Variants in RPL6 observed in about 807,000 individuals in gnomAD.
RPL6 encodes ribosomal protein L6, also known as large ribosomal subunit protein eL6.
In RPL6, 1 loss-of-function variant was observed where a neutral mutation model predicts 32.1. That is an observed-to-expected ratio of 0.03 (90% CI 0.01 to 0.15). The LOEUF (loss-of-function observed/expected upper bound fraction) is 0.15. Among genes scored for constraint, RPL6 ranks in the 10% least tolerant of loss-of-function variants. The probability of loss-of-function intolerance (pLI) is 1.00; values close to 1 mark genes in which losing one functional copy is unlikely to be tolerated. For synonymous variants in RPL6, 126 were observed against 131.6 expected (o/e 0.96, Z 0.29); for missense variants, 275 against 354.6 (o/e 0.78, Z 1.80).
intron 3 of RPL6, chr12:112,407,513 C>T (rs2037208260): frequency 6.5e-6 from 1 of 152,814 alleles, no homozygotes; most frequent in Non-Finnish European, 1.5e-5. Flanking sequence ...CACAAAACAA[C>T]TGTCATCTTC....
At chr12:112,412,943 T>C (rs897747831), upstream of RPL6, among the ~76,000 whole-genome samples, 3 of 151,398 alleles carry the variant, frequency 2.0e-5, no homozygotes, top group Non-Finnish European at 2.9e-5. Context: ...AATAAATAAA[T>C]AAATAAATAA....
chr12:112,416,603 G>A (rs1271717692), intron 1 of RPL6, among the ~76,000 whole-genome samples: 2 of 150,480 alleles, frequency 1.3e-5, no homozygotes, highest in Non-Finnish European at 3.0e-5. Flanking sequence ...TAGTAGAGAC[G>A]AGGGTTCACC....
At chr12:112,413,406 C>T (rs1194344550), upstream of RPL6, among the ~76,000 whole-genome samples, 1 of 151,788 alleles carries the variant, frequency 6.6e-6, no homozygotes, top group Non-Finnish European at 1.5e-5. Flanking sequence ...GGCATGGTGG[C>T]GGGTGCCTGT....
chr12:112,407,970 T>C, intron 3 of RPL6: 1 of 408,400 alleles, frequency 2.4e-6, no homozygotes, highest in Non-Finnish European at 4.4e-6. Flanking sequence ...TCTGCTCGCC[T>C]CAGCCTCCCA....
At chr12:112,413,039 G>T (rs2037359601), upstream of RPL6, among the ~76,000 whole-genome samples, 1 of 152,156 alleles carries the variant, frequency 6.6e-6, no homozygotes, top group Non-Finnish European at 1.5e-5. Context: ...TATGTATAAA[G>T]TGTGGAAAGA....
upstream of RPL6, chr12:112,409,675 G>A (rs551344394): frequency 2.5e-6 from 1 of 394,588 alleles, no homozygotes; most frequent in South Asian, 1.4e-4. Flanking sequence ...TCCGGATCTG[G>A]GGCATCATGG....
chr12:112,411,925 G>C (rs939727419), upstream of RPL6, among the ~76,000 whole-genome samples: 13 of 151,634 alleles, frequency 8.6e-5, no homozygotes, highest in Non-Finnish European at 1.6e-4. Context: ...TGTCGCCCAG[G>C]CTGGAGTGCA....
rs1257393823 is a variant in RPL6 at position 112,406,043 on chromosome 12, G to C, written c.530-6C>G. On this transcript the variant is annotated splice_polypyrimidine_tract_variant and splice_region_variant and intron_variant, in intron 5 of 6. Transcript: ENST00000202773. ...TCGATTGAGGACCAGAGGTCCTAAG[G>C]GGGAAAAATTAATTTAGCAAGGAAA... 4 of 1,596,832 alleles carry C rather than the reference G, an allele frequency of 2.5e-6. No homozygotes were observed. Among genetic ancestry groups the C allele is most frequent in the Non-Finnish European group, 1.7e-6 (2 of 1,171,832 alleles).
At chr12:112,416,133 A>ATTTTTTTTT (rs1168421826) in intron 1 of RPL6, among the ~76,000 whole-genome samples, 10 of 51,048 alleles carry the variant, frequency 2.0e-4, no homozygotes, top group African/African-American at 4.1e-4. Flanking sequence ...TAAATTTTGT[A>ATTTTTTTTT]TTTTTTTTTT....
chr12:112,409,284 G>C, intron 1 of RPL6: 1 of 391,048 alleles, frequency 2.6e-6, no homozygotes, highest in Non-Finnish European at 4.5e-6. Flanking sequence ...GGAACACAGT[G>C]CACGCGCCGT....
exon 1 of RPL6, chr12:112,418,768 G>A: frequency 2.4e-6 from 1 of 415,642 alleles, no homozygotes; most frequent in South Asian, 2.9e-5. Context: ...GGATGCTTTG[G>A]ACACTGTGCG....
upstream of RPL6, among the ~76,000 whole-genome samples, chr12:112,415,088 G>A (rs539647490): frequency 3.3e-5 from 5 of 152,298 alleles, no homozygotes; most frequent in South Asian, 1.0e-3. Context: ...CCTGAGATCA[G>A]AGGCATAGAG....
chr12:112,412,847 C>T (rs2037357340), upstream of RPL6, among the ~76,000 whole-genome samples: 1 of 151,730 alleles, frequency 6.6e-6, no homozygotes, highest in Non-Finnish European at 1.5e-5. Context: ...TCACTTGAAC[C>T]CGGGAGGCAG....
chr12:112,406,449 T>C, intron 4 of RPL6, 107 bp from the exon 5 acceptor site: 1 of 989,562 alleles, frequency 1.0e-6, no homozygotes, highest in Non-Finnish European at 1.6e-6. Flanking sequence ...TCTACATGTA[T>C]ATGTATACAG....
intron 1 of RPL6, 22 bp from the exon 2 acceptor site, chr12:112,408,678 TAAAA>T (rs747776217): frequency 3.4e-5 from 52 of 1,546,296 alleles, no homozygotes; most frequent in Non-Finnish European, 3.4e-5. Context: ...TTTTTGTAGA[TAAAA>T]AAAGGCATTT....
At chr12:112,417,058 CTTTA>C (rs1173184629) in intron 1 of RPL6, among the ~76,000 whole-genome samples, 1 of 152,074 alleles carries the variant, frequency 6.6e-6, no homozygotes, top group African/African-American at 2.4e-5. Flanking sequence ...GATCTGTAGC[CTTTA>C]TTTATTTATT....
In RPL6 at chr12:112,406,819, G is replaced by A. The variant is rs143023126; in HGVS notation, c.408C>T (p.His136=). 1.0e-4 allele frequency: 169 copies of A among 1,614,100 alleles called. 1 individual carries two copies. Among genetic ancestry groups the A allele is most frequent in the Middle Eastern group, 1.6e-4 (1 of 6,084 alleles). Residue 136 remains histidine, a synonymous_variant, in exon 4 of 7, where the codon CAC becomes CAT. Transcript: ENST00000202773. The stretch of plus-strand genomic sequence containing the variant: ...TAATGCTGGCTCGCAGTTTTCTCAC[G>A]TGCTGACTGAAGGGTTTTTTGCCGT... ...LSHGKKPFSQ[H]VRKLRASITP...
chr12:112,409,434 C>A (rs2037292375), intron 1 of RPL6, 153 bp downstream of exon 1: 4 of 398,660 alleles, frequency 1.0e-5, no homozygotes, highest in Non-Finnish European at 1.3e-5. Context: ...TGCCGCAAAC[C>A]CAAACAACAA....
intron 1 of RPL6, chr12:112,418,349 C>G (rs959313171): frequency 1.9e-5 from 3 of 154,432 alleles, no homozygotes; most frequent in South Asian, 2.0e-4. Context: ...TCACGACTCA[C>G]TGCAGCCCCG....
Sources: allele counts gnomAD v4.1 joint callset (sites outside exome capture counted in the v4.1 genomes callset), GRCh38; gene constraint gnomAD v4.1.1; transcripts MANE v1.5; gene names NCBI Gene and HGNC (gene_info 2026-07-23, HGNC 2026-07-21).